Variants in PCDHA1 observed in about 807,000 individuals in gnomAD.
The protein encoded by PCDHA1 is protocadherin alpha-1.
PCDHA1 carries 42 observed loss-of-function variants against 61.3 expected under a neutral mutation model. The ratio of observed to expected loss-of-function variants is 0.69; its 90% CI spans 0.54 to 0.89. PCDHA1 has a LOEUF of 0.89. PCDHA1 is among the 40% of genes least tolerant of loss of function. The pLI, the probability that PCDHA1 is intolerant of heterozygous loss-of-function variation, is 0.00. For missense variants in PCDHA1, 1,256 were observed against 1,235.3 expected, an observed-to-expected ratio of 1.02 and a Z score of -0.25; for synonymous variants, 610 against 553.8, an observed-to-expected ratio of 1.10 and a Z score of -1.43.
Position 140,841,228 on chromosome 5 carries a change from G to A in PCDHA1, c.2394+52544G>A. On this transcript the variant is annotated intron_variant, in intron 1 of 3. Coordinates refer to ENST00000504120, the MANE Select transcript of PCDHA1 (RefSeq NM_018900.4). ...TCTGTCTCTAAAGGCCGAACAACGG[G>A]AGATGCAGCGGAATTGGATTAAAAG... The A allele has an allele frequency of 7.6e-6, 11 of 1,455,732 alleles. 1 individual carries two copies. In the South Asian group the frequency reaches 1.2e-4, roughly 17 times the overall value. The allele number at this position is 1,455,732 out of a possible 1,614,324, so 90.2% of individuals were successfully genotyped here.
rs2150249595 is a variant in PCDHA1 at position 140,835,988 on chromosome 5, G to A, written c.2394+47304G>A. Reference sequence around the variant, plus strand: ...AGCTGGAGCTGTTGCAGTTCCAGGTGAGCGCGCGCGATGCGGGCGTGCCGC... The same window carrying A: ...AGCTGGAGCTGTTGCAGTTCCAGGTAAGCGCGCGCGATGCGGGCGTGCCGC... On this transcript the variant is annotated intron_variant, in intron 1 of 3. Transcript: ENST00000504120. 6.1e-5 allele frequency: 99 copies of A among 1,613,224 alleles called. 1 individual carries two copies. The highest frequency in any genetic ancestry group is 7.6e-5 in the Non-Finnish European group (90 of 1,179,718).
At position 140,802,284 on chromosome 5, in the gene PCDHA1, T is replaced by A. The variant is rs1323608017; in HGVS notation, c.2394+13600T>A. On this transcript the variant is annotated intron_variant, in intron 1 of 3. Coordinates refer to ENST00000504120, the MANE Select transcript of PCDHA1 (RefSeq NM_018900.4). The stretch of plus-strand genomic sequence containing the variant: ...ACTATCTTTACCTGTATTAGAAGAC[T>A]CTCCACTTAGCACAGTCATCGCTCT... 4.3e-6 allele frequency: 7 copies of A among 1,614,126 alleles called. No individual in the cohort carries two copies. The Admixed American group carries it at 1.2e-4, about 27-fold the overall frequency.
chr5:140,811,132 A>G (rs1235469619), intron 1 of PCDHA1: 6 of 152,110 alleles, frequency 3.9e-5, no homozygotes, highest in Admixed American at 3.3e-4. Context: ...TACATTAGGT[A>G]TTTCTCCTAA....
At position 140,864,979 on chromosome 5, in the gene PCDHA1, CTTGAGACCAGGAGT is replaced by C. The variant is rs2153225793; in HGVS notation, c.2394+76306_2394+76319del. 3.3e-5 allele frequency: 5 copies of C among 152,266 alleles called. No homozygotes were observed. In the South Asian group the frequency reaches 1.0e-3, roughly 32 times the overall value. The allele number at this position is 152,266 out of a possible 1,614,324, so 9.4% of individuals were successfully genotyped here. A position where few individuals can be genotyped will look rare whatever the true frequency, so the allele number is the denominator to read the frequency against. On this transcript the variant is annotated intron_variant, in intron 1 of 3. Coordinates refer to ENST00000504120, the MANE Select transcript of PCDHA1 (RefSeq NM_018900.4). ...TTGGGAAGCCGAGGGAGGAGGATCG[CTTGAGACCAGGAGT>C]TTGAGACCAGCCTCGGCAACATAGT...
At chr5:140,856,434 C>G (rs551569829) in intron 1 of PCDHA1, 1 of 1,598,320 alleles carries the variant, frequency 6.3e-7, no homozygotes, top group South Asian at 1.1e-5. Context: ...AACGACAACC[C>G]GCCCAGGTTC....
chr5:140,967,687 C>T (rs1173018126), intron 1 of PCDHA1: 1 of 1,614,094 alleles, frequency 6.2e-7, no homozygotes, highest in Non-Finnish European at 8.5e-7. Context: ...AGAGGCAGCT[C>T]TTCAGCATAG....
intron 1 of PCDHA1, among the ~76,000 whole-genome samples, chr5:140,886,739 T>C (rs1411142692): frequency 6.6e-6 from 1 of 151,488 alleles, no homozygotes; most frequent in Non-Finnish European, 1.5e-5. Context: ...AGCAAGAGAA[T>C]TGCTTGAACC....
chr5:140,960,467 C>A (rs1554224775), intron 1 of PCDHA1, among the ~76,000 whole-genome samples: 1 of 152,010 alleles, frequency 6.6e-6, no homozygotes, highest in Non-Finnish European at 1.5e-5. Context: ...GAGAAGTAAT[C>A]CTTCTTACAC....
chr5:140,787,406 C>T lies in PCDHA1; in HGVS notation c.1116C>T (p.Ile372=). The T allele has an allele frequency of 6.2e-7, 1 of 1,614,260 alleles. No individual in the cohort carries two copies. Among genetic ancestry groups the T allele is most frequent in the Non-Finnish European group, 8.5e-7 (1 of 1,180,034 alleles). Residue 372 remains isoleucine (I), a synonymous_variant, in exon 1 of 4, where the codon ATC becomes ATT. Transcript: ENST00000504120. ...DAPLSTVIAL[I]TVSDRDSGAN... Reference sequence around the variant, plus strand: ...CACTCAGCACCGTCATCGCCCTCATCACCGTGTCTGACCGTGACTCAGGTG... The same window carrying T: ...CACTCAGCACCGTCATCGCCCTCATTACCGTGTCTGACCGTGACTCAGGTG...
chr5:140,801,443 C>A, intron 1 of PCDHA1: 2 of 1,613,926 alleles, frequency 1.2e-6, no homozygotes, highest in Non-Finnish European at 1.7e-6. Flanking sequence ...TGCAGAATGG[C>A]ATTTTGTTTG....
chr5:140,794,041 G>A (rs574819565), intron 1 of PCDHA1, among the ~76,000 whole-genome samples: 5 of 152,088 alleles, frequency 3.3e-5, no homozygotes, highest in African/African-American at 1.2e-4. Flanking sequence ...TTGAAAGCAG[G>A]GTCTCAAAGA....
intron 1 of PCDHA1, among the ~76,000 whole-genome samples, chr5:140,819,274 A>G (rs1207712720): frequency 1.3e-5 from 2 of 152,218 alleles, no homozygotes; most frequent in East Asian, 1.9e-4. Flanking sequence ...TTCTATAGAT[A>G]AGAGAAGAAA....
chr5:140,828,627 G>A lies in PCDHA1; in HGVS notation c.2394+39943G>A, dbSNP rs1769859813. On this transcript the variant is annotated intron_variant, in intron 1 of 3. Coordinates refer to ENST00000504120, the MANE Select transcript of PCDHA1 (RefSeq NM_018900.4). ...AAACTCAGTTCTAGCGAATACTTCG[G>A]GCTAGATGTGAAAATAAACAGTGAT... The A allele has an allele frequency of 3.7e-6, 6 of 1,614,114 alleles. No homozygotes were observed. Among genetic ancestry groups the A allele is most frequent in the Non-Finnish European group, 5.1e-6 (6 of 1,179,986 alleles).
chr5:140,794,838 A>G, intron 1 of PCDHA1: 2 of 1,053,672 alleles, frequency 1.9e-6, no homozygotes, highest in Non-Finnish European at 2.7e-6. Flanking sequence ...GAAAATACCC[A>G]GAGCCCCTTT....
chr5:140,853,678 AC>A, intron 1 of PCDHA1: 1 of 988,418 alleles, frequency 1.0e-6, no homozygotes, highest in Non-Finnish European at 1.2e-6. Context: ...CCTATGGTCA[AC>A]CTATCCTTAG....
intron 1 of PCDHA1, chr5:140,810,571 A>G (rs1355589368): frequency 1.3e-5 from 2 of 152,218 alleles, no homozygotes; most frequent in Non-Finnish European, 2.9e-5. Context: ...ATTTAAATGA[A>G]GTTGAGTACC....
intron 1 of PCDHA1, among the ~76,000 whole-genome samples, chr5:140,976,370 G>A (rs1392898202): frequency 6.6e-6 from 1 of 152,018 alleles, no homozygotes; most frequent in Non-Finnish European, 1.5e-5. Context: ...GGCCAACATG[G>A]TGAAACCCCA....
chr5:140,983,005 AAAGG>A (rs1223217874), intron 3 of PCDHA1, among the ~76,000 whole-genome samples: 2 of 152,110 alleles, frequency 1.3e-5, no homozygotes, highest in African/African-American at 2.4e-5. Flanking sequence ...AAAGAAAGAA[AAAGG>A]AAGGAAGGAA....
Position 140,787,984 on chromosome 5 carries a change from T to A in PCDHA1, c.1694T>A (p.Leu565Gln), listed in dbSNP as rs1554118082. 3 of 1,613,986 alleles carry A rather than the reference T, an allele frequency of 1.9e-6. No homozygotes were observed. The stretch of plus-strand genomic sequence containing the variant: ...GACGAGAACGACAACGCGCCGGCGC[T>A]GCTGGCGCCTCGAGTGGGTGGCACT... ...VLDENDNAPA[L>Q]LAPRVGGTIG... Residue 565 changes from leucine (L) to glutamine (Q), a missense_variant, in exon 1 of 4, where the codon CTG (leucine) becomes CAG (glutamine). By Grantham distance (113) the Leu-to-Gln change is moderately radical. Transcript: ENST00000504120.
Sources: gnomAD v4.1 joint callset for allele counts (sites outside exome capture counted in the v4.1 genomes callset) on GRCh38, gnomAD v4.1.1 for gene constraint, MANE v1.5 for transcripts, NCBI Gene and HGNC (gene_info 2026-07-23, HGNC 2026-07-21) for gene names.